Variants in KIF13B observed in about 807,000 individuals in gnomAD.
KIF13B encodes the protein kinesin family member 13B.
In KIF13B, 127 loss-of-function variants were observed where a neutral mutation model predicts 222.0. The ratio of observed to expected loss-of-function variants is 0.57; its 90% CI spans 0.50 to 0.66. The LOEUF (loss-of-function observed/expected upper bound fraction) is 0.66. Ranked by LOEUF, KIF13B falls within the 30% of genes least tolerant of loss-of-function variation. The probability of loss-of-function intolerance (pLI) is 0.00; values close to 1 mark genes in which losing one functional copy is unlikely to be tolerated. For missense variants in KIF13B, 2,173 were observed against 2,379.0 expected (o/e 0.91, Z 1.80); for synonymous variants, 976 against 919.0 (o/e 1.06, Z -1.12).
Position 29,186,270 on chromosome 8 carries a change from CTAAA to C in KIF13B, c.497+18_497+21del. ...TGTTTCAGTTCACAATGCTGAAACA[CTAAA>C]GTCTCAAAGTCCTTTACCCTTTGGG... is the stretch of plus-strand genomic sequence containing the variant. On this transcript the variant is annotated intron_variant, in intron 6 of 39. Coordinates refer to ENST00000524189, the MANE Select transcript of KIF13B (RefSeq NM_015254.4). 1 of 1,582,114 alleles carries C rather than the reference CTAAA, an allele frequency of 6.3e-7. No individual in the cohort carries two copies. Among genetic ancestry groups the C allele is most frequent in the South Asian group, 1.2e-5 (1 of 86,326 alleles).
intron 12 of KIF13B, among the ~76,000 whole-genome samples, chr8:29,164,518 A>C (rs1310125139): frequency 6.6e-6 from 1 of 152,226 alleles, no homozygotes; most frequent in Non-Finnish European, 1.5e-5. Flanking sequence ...AAGTGTATCC[A>C]ATAAACGCTG....
Position 29,142,137 on chromosome 8 carries a change from T to C in KIF13B, c.2334+20A>G, listed in dbSNP as rs752766950. Reference sequence around the variant, plus strand: ...CCTTCCATAATTACCAATTAAGTGATTTTCTCTTAAATAACTTACTGGGTT... The same window carrying C: ...CCTTCCATAATTACCAATTAAGTGACTTTCTCTTAAATAACTTACTGGGTT... On this transcript the variant is annotated intron_variant, in intron 19 of 39. Coordinates refer to ENST00000524189, the MANE Select transcript of KIF13B (RefSeq NM_015254.4). 1 of 1,602,876 alleles carries C rather than the reference T, an allele frequency of 6.2e-7. No homozygotes were observed. The highest frequency in any genetic ancestry group is 8.5e-7 in the Non-Finnish European group (1 of 1,171,086).
chr8:29,122,637 T>C lies in KIF13B; in HGVS notation c.3489A>G (p.Val1163=). 1.2e-6 allele frequency: 2 copies of C among 1,608,318 alleles called. No homozygotes were observed. The highest frequency in any genetic ancestry group is 1.1e-5 in the South Asian group (1 of 89,488). Residue 1163 remains valine, a synonymous_variant, in exon 29 of 40, where the codon GTA becomes GTG. Coordinates refer to ENST00000524189, the MANE Select transcript of KIF13B (RefSeq NM_015254.4). ...IPGAPAEWTP[V]PGMETHIPVI... is the part of the protein sequence containing the mutation. ...CAGGAATGTGTGTCTCCATCCCAGG[T>C]ACTGGGGTCCTAAAACGGGAAGAAC...
At chr8:29,199,089 A>G (rs548468783) in intron 2 of KIF13B, among the ~76,000 whole-genome samples, 5 of 139,424 alleles carry the variant, frequency 3.6e-5, no homozygotes, top group African/African-American at 1.2e-4. Flanking sequence ...AAAATTTTTT[A>G]AAAAATAGAA....
At chr8:29,213,272 T>C (rs1189140796) in intron 2 of KIF13B, among the ~76,000 whole-genome samples, 1 of 152,244 alleles carries the variant, frequency 6.6e-6, no homozygotes, top group African/African-American at 2.4e-5. Flanking sequence ...ATTCAATAAA[T>C]GCTTGTGCTC....
intron 1 of KIF13B, 58 bp from the exon 2 acceptor site, chr8:29,245,497 G>C (rs925006981): frequency 1.5e-6 from 2 of 1,305,426 alleles, no homozygotes; most frequent in African/African-American, 3.0e-5. Flanking sequence ...TTTCAGAAAA[G>C]GCAAAATTCA....
chr8:29,196,765 T>G (rs1297225596), intron 2 of KIF13B, among the ~76,000 whole-genome samples: 1 of 152,196 alleles, frequency 6.6e-6, no homozygotes, highest in African/African-American at 2.4e-5. Flanking sequence ...GTATTTTTTC[T>G]GGATGTGGGA....
intron 2 of KIF13B, among the ~76,000 whole-genome samples, chr8:29,244,076 T>G (rs970668981): frequency 4.6e-5 from 7 of 152,094 alleles, no homozygotes; most frequent in East Asian, 1.9e-4. Flanking sequence ...TGCAGTGGTG[T>G]GATCTCGGCT....
chr8:29,157,333 T>A (rs1811577777), intron 13 of KIF13B, among the ~76,000 whole-genome samples: 1 of 143,348 alleles, frequency 7.0e-6, no homozygotes, highest in South Asian at 2.2e-4. Flanking sequence ...GGCAGGAGAA[T>A]CGCTTGAACC....
intron 37 of KIF13B, among the ~76,000 whole-genome samples, chr8:29,088,816 A>C (rs1808160712): frequency 6.6e-6 from 1 of 152,234 alleles, no homozygotes; most frequent in Non-Finnish European, 1.5e-5. Flanking sequence ...AGTATGCTTC[A>C]CTTGTTGTAC....
intron 37 of KIF13B, among the ~76,000 whole-genome samples, chr8:29,088,244 C>T (rs1159450623): frequency 2.0e-5 from 3 of 151,462 alleles, no homozygotes; most frequent in Non-Finnish European, 2.9e-5. Flanking sequence ...CCAGCCTGGG[C>T]GACAGAGGGA....
intron 36 of KIF13B, among the ~76,000 whole-genome samples, chr8:29,098,045 C>T (rs1317784824): frequency 6.6e-6 from 1 of 151,480 alleles, no homozygotes; most frequent in African/African-American, 2.4e-5. Flanking sequence ...GTGGCACGTG[C>T]CTGCAGTCCC....
chr8:29,196,815 G>C (rs979509281), intron 2 of KIF13B, among the ~76,000 whole-genome samples: 1 of 152,234 alleles, frequency 6.6e-6, no homozygotes, highest in East Asian at 1.9e-4. Context: ...TCCCAAATCC[G>C]AAAATCCAAA....
At position 29,167,423 on chromosome 8, in the gene KIF13B, C is replaced by T. The variant is rs768346320; in HGVS notation, c.1108G>A (p.Asp370Asn). ...NEDPNARIIRDLREEVEKLRE... is the reference protein window; with the variant it reads ...NEDPNARIIRNLREEVEKLRE... ...AGTTTCTCAACTTCTTCCCGGAGATCCCGGATAATTCGGGCATTAGGGTCC... is the reference window on the plus strand; with the variant it reads ...AGTTTCTCAACTTCTTCCCGGAGATTCCGGATAATTCGGGCATTAGGGTCC... Residue 370 changes from aspartate (D) to asparagine (N), a missense_variant, in exon 11 of 40, where the codon GAT becomes AAT. By Grantham distance (23) the Asp-to-Asn change is conservative. This residue lies in a region of KIF13B where 1,480 missense variants were observed against 1,722.8 expected (regional missense o/e 0.86). Transcript: ENST00000524189. 5 of 1,613,614 alleles carry T rather than the reference C, an allele frequency of 3.1e-6. No homozygotes were observed. The African/African-American group carries it at 5.3e-5, about 17-fold the overall frequency.
chr8:29,077,908 C>T (rs1260009615), intron 37 of KIF13B, among the ~76,000 whole-genome samples: 1 of 152,072 alleles, frequency 6.6e-6, no homozygotes, highest in Non-Finnish European at 1.5e-5. Context: ...TTGCTCTCAA[C>T]AGATGGGCAA....
intron 10 of KIF13B, among the ~76,000 whole-genome samples, chr8:29,168,176 A>G (rs974349373): frequency 5.9e-5 from 9 of 152,246 alleles, no homozygotes; most frequent in African/African-American, 2.2e-4. Flanking sequence ...AGCTACTAAG[A>G]TTGCAAGTTC....
intron 6 of KIF13B, among the ~76,000 whole-genome samples, chr8:29,183,387 A>G (rs1018452170): frequency 6.6e-6 from 1 of 152,006 alleles, no homozygotes; most frequent in Non-Finnish European, 1.5e-5. Context: ...CCTGACCCCA[A>G]GTGATCTGCC....
chr8:29,244,330 CAATT>C (rs959443751), intron 2 of KIF13B, among the ~76,000 whole-genome samples: 2 of 152,094 alleles, frequency 1.3e-5, no homozygotes, highest in East Asian at 3.9e-4. Context: ...CTTTTCAACT[CAATT>C]AAACTCAACT....
chr8:29,188,272 A>AT (rs1813027996), intron 5 of KIF13B, among the ~76,000 whole-genome samples: 1 of 152,184 alleles, frequency 6.6e-6, no homozygotes, highest in Non-Finnish European at 1.5e-5. Flanking sequence ...ATAGCTCTGT[A>AT]TTTTTTCGAA....
Sources: gnomAD v4.1 joint callset for allele counts (sites outside exome capture counted in the v4.1 genomes callset) on GRCh38, gnomAD v4.1.1 for gene constraint, gnomAD v4.1.1 regional missense constraint, MANE v1.5 for transcripts, NCBI Gene and HGNC (gene_info 2026-07-23, HGNC 2026-07-21) for gene names.